EPHB4: variants seen among roughly 807,000 people sequenced by gnomAD.
The protein encoded by EPHB4 is EPH receptor B4.
A neutral mutation model predicts 110.6 loss-of-function variants in EPHB4; 50 were observed. The observed-to-expected ratio is 0.45, with a 90% confidence interval of 0.36 to 0.57. The LOEUF (loss-of-function observed/expected upper bound fraction) is 0.57. EPHB4 is among the 20% of genes least tolerant of loss of function. The pLI, the probability that EPHB4 is intolerant of heterozygous loss-of-function variation, is 0.00. For synonymous variants in EPHB4, 592 were observed against 578.4 expected, an observed-to-expected ratio of 1.02 and a Z score of -0.34; for missense variants, 1,128 against 1,382.1, an observed-to-expected ratio of 0.82 and a Z score of 2.91.
intron 2 of EPHB4, 27 bp from the exon 3 acceptor site, chr7:100,823,958 G>C (rs1242772284): frequency 6.4e-7 from 1 of 1,551,264 alleles, no homozygotes; most frequent in Admixed American, 1.9e-5. Context: ...GTCAGCAAGG[G>C]GGCTGGGGAG....
In EPHB4 at chr7:100,807,391, A is replaced by C. The variant is rs777063679; in HGVS notation, c.2308T>G (p.Ser770Ala). Residue 770 changes from serine to alanine, a missense_variant, in exon 13 of 17, where the codon TCC becomes GCC. Physicochemically the swap from Ser to Ala is moderately conservative, Grantham distance 99. This residue lies in a region of EPHB4 where 191 missense variants were observed against 313.0 expected (regional missense o/e 0.61). Coordinates refer to ENST00000358173, the MANE Select transcript of EPHB4 (RefSeq NM_004444.5). ...GLSRFLEENS[S>A]DPTYTSSLGG... ...AGGGAGCTCGTGTAGGTGGGATCGGAAGAGTTCTCCTCCAGGAATCGGGAA... is the reference window on the plus strand; with the variant it reads ...AGGGAGCTCGTGTAGGTGGGATCGGCAGAGTTCTCCTCCAGGAATCGGGAA... 3.1e-6 allele frequency: 5 copies of C among 1,613,648 alleles called. No individual in the cohort carries two copies. In the East Asian group the frequency reaches 1.1e-4, roughly 36 times the overall value.
chr7:100,826,845 T>A, intron 1 of EPHB4, 134 bp downstream of exon 1: 204 of 471,966 alleles, frequency 4.3e-4, no homozygotes, highest in Non-Finnish European at 6.2e-4. Flanking sequence ...TCCAGCACTA[T>A]CGGTCCGAAG....
At chr7:100,805,475 G>C in intron 15 of EPHB4, 26 bp downstream of exon 15, 1 of 1,529,934 alleles carries the variant, frequency 6.5e-7, no homozygotes, top group Admixed American at 2.1e-5. Context: ...GAGCGGGAAG[G>C]AGGGCCCATT....
intron 8 of EPHB4, 87 bp downstream of exon 8, chr7:100,817,100 AAAAAG>A: frequency 1.6e-6 from 2 of 1,242,614 alleles, no homozygotes; most frequent in Non-Finnish European, 2.1e-6. Flanking sequence ...AAAAAAAAAA[AAAAAG>A]ATGATGGGAC....
Position 100,819,735 on chromosome 7 carries a change from G to A in EPHB4, c.1119C>T (p.Cys373=), listed in dbSNP as rs752674800. ...CGGGGTCAAAAGTCAGGTCTCCCCC[G>A]CAGGGCGCACAGGAGCCTCCGGGTC... The part of the protein sequence containing the change: ...ECRPGGSCAP[C]GGDLTFDPGP... Residue 373 remains cysteine, a synonymous_variant, in exon 6 of 17, where the codon TGC becomes TGT. Transcript: ENST00000358173. The A allele has an allele frequency of 6.2e-6, 10 of 1,610,792 alleles. No individual in the cohort carries two copies. Among genetic ancestry groups the A allele is most frequent in the East Asian group, 2.2e-5 (1 of 44,780 alleles).
chr7:100,813,552 G>C, intron 10 of EPHB4, 100 bp downstream of exon 10: 1 of 1,307,406 alleles, frequency 7.6e-7, no homozygotes, highest in Non-Finnish European at 1.1e-6. Flanking sequence ...CTGACCTCAA[G>C]TGATCTGCCC....
intron 1 of EPHB4, 87 bp from the exon 2 acceptor site, chr7:100,824,360 A>T: frequency 7.1e-7 from 1 of 1,410,920 alleles, no homozygotes; most frequent in Non-Finnish European, 1.0e-6. Flanking sequence ...AGGCAGGTGG[A>T]TCCTCTTAGC....
chr7:100,812,459 C>A (rs761935259), intron 12 of EPHB4, among the ~76,000 whole-genome samples: 1 of 152,032 alleles, frequency 6.6e-6, no homozygotes, highest in Non-Finnish European at 1.5e-5. Flanking sequence ...CATGGTGGTG[C>A]ATGCCTATAG....
At position 100,823,802 on chromosome 7, in the gene EPHB4, G is replaced by A. The variant is rs754703615; in HGVS notation, c.253C>T (p.His85Tyr). The change falls in exon 3 of 17, where the codon CAC becomes TAC. Residue 85 changes from histidine to tyrosine, a missense_variant. Coordinates refer to ENST00000358173, the MANE Select transcript of EPHB4 (RefSeq NM_004444.5). ...TGWVPRRGAVHVYATLRFTML... is the reference protein window; with the variant it reads ...TGWVPRRGAVYVYATLRFTML... ...GTGAAGCGCAGCGTGGCGTACACGT[G>A]GACGGCGCCCCGCCGTGGGACCCAA... 2 of 1,613,204 alleles carry A rather than the reference G, an allele frequency of 1.2e-6. No homozygotes were observed. Among genetic ancestry groups the A allele is most frequent in the South Asian group, 1.1e-5 (1 of 91,080 alleles).
rs1443610193 is a variant in EPHB4 at position 100,822,600 on chromosome 7, T to G, written c.479A>C (p.Asn160Thr). 1 of 1,608,384 alleles carries G rather than the reference T, an allele frequency of 6.2e-7. No homozygotes were observed. The highest frequency in any genetic ancestry group is 8.5e-7 in the Non-Finnish European group (1 of 1,176,516). Residue 160 changes from asparagine (N) to threonine (T), a missense_variant, in exon 4 of 17, where the codon AAT becomes ACT. Coordinates refer to ENST00000358173, the MANE Select transcript of EPHB4 (RefSeq NM_004444.5). This position sits in a 1 kb window ranked among gnomAD's most constrained non-coding sequence, Gnocchi z 4.7. ...RPGAEATGKV[N>T]VKTLRLGPLS... Reference sequence around the variant, plus strand: ...CGGTCCCAGACGCAGCGTCTTGACATTCACCTTCCCGGTGGCCTCGGCCCC... The same window carrying G: ...CGGTCCCAGACGCAGCGTCTTGACAGTCACCTTCCCGGTGGCCTCGGCCCC...
At chr7:100,824,582 A>C (rs570243587) in intron 1 of EPHB4, 6 of 356,070 alleles carry the variant, frequency 1.7e-5, no homozygotes, top group South Asian at 1.4e-4. Flanking sequence ...GAAAGGGTTA[A>C]AATGAGAGCT....
At chr7:100,813,329 T>TC (rs869110218) in intron 10 of EPHB4, 121 bp from the exon 11 acceptor site, 10,311 of 757,212 alleles carry the variant, frequency 0.014, 89 homozygotes, top group Middle Eastern at 0.024. Context: ...TTTTTTTTTT[T>TC]CCTGAGATGG....
Position 100,820,162 on chromosome 7 carries a change from G to A in EPHB4, c.943C>T (p.Pro315Ser). 6.2e-7 allele frequency: 1 copy of A among 1,614,004 alleles called. No individual in the cohort carries two copies. The highest frequency in any genetic ancestry group is 8.5e-7 in the Non-Finnish European group (1 of 1,180,012). ...RVGYFRARTD[P>S]RGAPCTTPPS... ...TTACTGGTGCAGGGTGCACCCCGGG[G>A]GTCTGTGCGTGCCCGGAAGTACCCG... The change falls in exon 5 of 17, where the codon CCC becomes TCC. Residue 315 changes from proline (P) to serine (S), a missense_variant. Physicochemically the swap from Pro to Ser is moderately conservative, Grantham distance 74. Around this residue, in one of 3 missense-constraint regions of EPHB4, gnomAD observed 728 missense variants for 828.6 expected, o/e 0.88. Coordinates refer to ENST00000358173, the MANE Select transcript of EPHB4 (RefSeq NM_004444.5).
intron 6 of EPHB4, 84 bp downstream of exon 6, chr7:100,819,473 T>C (rs2116449797): frequency 6.8e-7 from 1 of 1,462,346 alleles, no homozygotes; most frequent in East Asian, 2.3e-5. Flanking sequence ...GGTACCCAAC[T>C]TCACAGCCCC....
Position 100,822,184 on chromosome 7 carries a change from A to G in EPHB4, c.808+87T>C. Reference sequence around the variant, plus strand: ...TCCATTTCAACATCTAACTATACAAAATGGAAACTTAAGAAGTGGGTCCTG... The same window carrying G: ...TCCATTTCAACATCTAACTATACAAGATGGAAACTTAAGAAGTGGGTCCTG... On this transcript the variant is annotated intron_variant, in intron 4 of 16. Coordinates refer to ENST00000358173, the MANE Select transcript of EPHB4 (RefSeq NM_004444.5). The surrounding 1 kb of genome is among the most constrained non-coding windows in gnomAD (Gnocchi z 4.7). 6.9e-7 allele frequency: 1 copy of G among 1,451,504 alleles called. No homozygotes were observed. Among genetic ancestry groups the G allele is most frequent in the Admixed American group, 2.5e-5 (1 of 40,688 alleles). The allele number at this position is 1,451,504 out of a possible 1,614,324, so 89.9% of individuals were successfully genotyped here.
Position 100,817,268 on chromosome 7 carries a change from C to A in EPHB4, c.1512G>T (p.Leu504=). The change falls in exon 8 of 17, where the codon CTG becomes CTT. Residue 504 remains leucine (L), a synonymous_variant. Transcript: ENST00000358173. The part of the protein sequence containing the change: ...LRGLKRGASY[L]VQVRARSEAG... ...CCTCAGAGCGCGCCCGTACCTGCAC[C>A]AGGTAGCTGGCTCCCCGCTTCAGCC... The A allele has an allele frequency of 6.2e-7, 1 of 1,606,222 alleles. No homozygotes were observed. Among genetic ancestry groups the A allele is most frequent in the South Asian group, 1.1e-5 (1 of 89,462 alleles).
At chr7:100,809,273 G>GT (rs780646100) in intron 12 of EPHB4, among the ~76,000 whole-genome samples, 1 of 151,868 alleles carries the variant, frequency 6.6e-6, no homozygotes, top group Non-Finnish European at 1.5e-5. Context: ...TGCCTGGCTG[G>GT]TTTTTGTATT....
chr7:100,826,088 CAGAG>C (rs766381038), intron 1 of EPHB4, among the ~76,000 whole-genome samples: 25 of 152,158 alleles, frequency 1.6e-4, no homozygotes, highest in Non-Finnish European at 3.1e-4. Flanking sequence ...TCATACCAGA[CAGAG>C]AAAGGGGGGT....
intron 12 of EPHB4, among the ~76,000 whole-genome samples, chr7:100,811,109 G>T (rs1812922265): frequency 8.5e-6 from 1 of 117,332 alleles, no homozygotes; most frequent in Non-Finnish European, 2.0e-5. Context: ...CATCAGCTGG[G>T]TATGGTGGTG....
Sources: gnomAD v4.1 joint callset for allele counts (sites outside exome capture counted in the v4.1 genomes callset) on GRCh38, gnomAD v4.1.1 for gene constraint, gnomAD v4.1.1 regional missense constraint, Gnocchi (gnomAD v3.1) non-coding constraint, MANE v1.5 for transcripts, NCBI Gene and HGNC (gene_info 2026-07-23, HGNC 2026-07-21) for gene names.